Variants in DNAH10 observed in about 807,000 individuals in gnomAD.
The protein encoded by DNAH10 is dynein axonemal heavy chain 10, also known as axonemal beta dynein heavy chain 10.
In DNAH10, 348 loss-of-function variants were observed where a neutral mutation model predicts 506.6. The ratio of observed to expected loss-of-function variants is 0.69; its 90% CI spans 0.63 to 0.75. The LOEUF (loss-of-function observed/expected upper bound fraction) is 0.75, where lower values mean the gene tolerates loss of function less well. Ranked by LOEUF, DNAH10 falls within the 30% of genes least tolerant of loss-of-function variation. DNAH10 has a pLI of 0.00. For missense variants in DNAH10, 5,179 were observed against 5,787.1 expected, an observed-to-expected ratio of 0.89 and a Z score of 3.41; for synonymous variants, 2,059 against 2,198.6, an observed-to-expected ratio of 0.94 and a Z score of 1.78.
chr12:123,873,093 G>A (rs529916283), intron 45 of DNAH10, among the ~76,000 whole-genome samples: 1 of 152,302 alleles, frequency 6.6e-6, no homozygotes, highest in African/African-American at 2.4e-5. Flanking sequence ...TTTAGATACA[G>A]CCAGCATGAT....
intron 67 of DNAH10, 110 bp from the exon 68 acceptor site, chr12:123,924,940 C>T: frequency 7.0e-7 from 1 of 1,438,634 alleles, no homozygotes; most frequent in African/African-American, 1.4e-5. Context: ...TCAGTTAGTA[C>T]ACCTATGGAT....
chr12:123,801,230 A>G (rs771416063), intron 15 of DNAH10, 51 bp from the exon 16 acceptor site: 2 of 1,536,784 alleles, frequency 1.3e-6, no homozygotes, highest in South Asian at 2.6e-5. Flanking sequence ...AAAGCTTTTG[A>G]TGAGCTTAAA....
intron 64 of DNAH10, 133 bp from the exon 65 acceptor site, chr12:123,918,543 C>T: frequency 8.7e-7 from 1 of 1,152,544 alleles, no homozygotes; most frequent in African/African-American, 1.5e-5. Flanking sequence ...GGTGCCCTCG[C>T]TCCCCTGCAG....
rs1957302263 is a variant in DNAH10 at position 123,772,786 on chromosome 12, G to A, written c.397-48G>A. 4.3e-6 allele frequency: 6 copies of A among 1,393,114 alleles called. No homozygotes were observed. In the South Asian group the frequency reaches 7.7e-5, roughly 18 times the overall value. The allele number at this position is 1,393,114 out of a possible 1,614,324, so 86.3% of individuals were successfully genotyped here. A position where few individuals can be genotyped will look rare whatever the true frequency, so the allele number is the denominator to read the frequency against. On this transcript the variant is annotated intron_variant, in intron 3 of 78. Transcript: ENST00000673944. ...TACTTGAATATTAGGTTCTTTAGGTGAATGGATGTATCACAAGAATGAATG... is the reference window on the plus strand; with the variant it reads ...TACTTGAATATTAGGTTCTTTAGGTAAATGGATGTATCACAAGAATGAATG...
Position 123,892,514 on chromosome 12 carries a change from C to T in DNAH10, c.8996-719C>T, listed in dbSNP as rs149754225. On this transcript the variant is annotated intron_variant, in intron 52 of 78. Transcript: ENST00000673944. ...AATTCAACCTGAGATTTGGTGCGGA[C>T]GCAGATCCAAACCACATCCCATATT... Among the ~76,000 whole-genome samples, 639 of 152,282 alleles carry T rather than the reference C, an allele frequency of 4.2e-3. 5 individuals are homozygous for T. Among genetic ancestry groups the T allele is most frequent in the African/African-American group, 0.012 (502 of 41,576 alleles).
At chr12:123,896,924 G>A (rs556531789) in intron 54 of DNAH10, among the ~76,000 whole-genome samples, 12 of 152,208 alleles carry the variant, frequency 7.9e-5, no homozygotes, top group African/African-American at 2.9e-4. Flanking sequence ...GTAATGTTGT[G>A]AAACCAACAC....
At chr12:123,769,404 T>C (rs1957166706) in intron 2 of DNAH10, among the ~76,000 whole-genome samples, 1 of 152,086 alleles carries the variant, frequency 6.6e-6, no homozygotes, top group Non-Finnish European at 1.5e-5. Context: ...CTCAAACTCC[T>C]GACCTCAGGT....
At chr12:123,800,617 T>C (rs776798312) in intron 15 of DNAH10, among the ~76,000 whole-genome samples, 12 of 150,026 alleles carry the variant, frequency 8.0e-5, no homozygotes, top group Non-Finnish European at 1.5e-4. Context: ...ACCTGGGAGA[T>C]TGAGGCTGCA....
At chr12:123,809,660 C>CAACA (rs1308666099) in intron 19 of DNAH10, among the ~76,000 whole-genome samples, 5 of 151,974 alleles carry the variant, frequency 3.3e-5, no homozygotes, top group African/African-American at 1.2e-4. Context: ...AAAACAACAA[C>CAACA]AACAACAACA....
At chr12:123,847,268 A>G (rs1205557355) in intron 32 of DNAH10, among the ~76,000 whole-genome samples, 1 of 129,356 alleles carries the variant, frequency 7.7e-6, no homozygotes, top group African/African-American at 4.2e-5. Flanking sequence ...CTATCTATCC[A>G]TCCATCCATC....
intron 59 of DNAH10, among the ~76,000 whole-genome samples, chr12:123,911,184 A>C (rs571418316): frequency 6.4e-4 from 90 of 140,922 alleles, no homozygotes; most frequent in Middle Eastern, 3.5e-3. Context: ...AAAAAAAAAA[A>C]TGACGTAAAG....
intron 21 of DNAH10, 80 bp from the exon 22 acceptor site, chr12:123,818,870 G>A: frequency 1.1e-6 from 1 of 935,070 alleles, no homozygotes. Context: ...AAGTCCCTGG[G>A]AGGTAACTTT....
chr12:123,787,936 G>T lies in DNAH10; in HGVS notation c.1554G>T (p.Arg518=). The part of the protein sequence containing the change: ...SGREDRWEFD[R]KRLFERTDYM... ...GGGAAGATCGGTGGGAGTTTGACCG[G>T]AAGCGGCTGTTCGAGAGGACGGATT... is the stretch of plus-strand genomic sequence containing the variant. The change falls in exon 10 of 79, where the codon CGG becomes CGT. Residue 518 remains arginine, a synonymous_variant. Transcript: ENST00000673944. The surrounding 1 kb of genome is among the most constrained non-coding windows in gnomAD (Gnocchi z 4.6). 6.2e-7 allele frequency: 1 copy of T among 1,605,204 alleles called. No homozygotes were observed. Among genetic ancestry groups the T allele is most frequent in the South Asian group, 1.1e-5 (1 of 89,374 alleles).
Position 123,826,929 on chromosome 12 carries a change from A to G in DNAH10, c.4391+31A>G, listed in dbSNP as rs764966244. On this transcript the variant is annotated intron_variant, in intron 25 of 78. Coordinates refer to ENST00000673944, the MANE Select transcript of DNAH10 (RefSeq NM_001372106.1). ...TTTTGTCCTCTGTCCGCAGATGTAA[A>G]AGTGTGGGAGGAGCTTTTAGTTAAA... is the stretch of plus-strand genomic sequence containing the variant. 32 of 1,574,808 alleles carry G rather than the reference A, an allele frequency of 2.0e-5. No individual in the cohort carries two copies. In the Admixed American group the frequency reaches 2.9e-4, roughly 14 times the overall value.
At chr12:123,796,987 C>T (rs1958302434) in intron 13 of DNAH10, among the ~76,000 whole-genome samples, 155 bp downstream of exon 13, 1 of 152,044 alleles carries the variant, frequency 6.6e-6, no homozygotes. Context: ...TCTCTTGCCT[C>T]AGCCTCCCAA....
At chr12:123,865,879 G>C (rs1951784191) in intron 40 of DNAH10, 72 bp from the exon 41 acceptor site, 8 of 1,422,470 alleles carry the variant, frequency 5.6e-6, no homozygotes, top group Non-Finnish European at 5.6e-6. Context: ...CTTTCCATAA[G>C]AGAAGGTCCT....
intron 7 of DNAH10, among the ~76,000 whole-genome samples, chr12:123,783,551 A>C (rs1226116619): frequency 6.6e-6 from 1 of 152,196 alleles, no homozygotes; most frequent in East Asian, 1.9e-4. Flanking sequence ...TAAGAAAGCA[A>C]ATTCCTTGGC....
Position 123,877,837 on chromosome 12 carries a change from G to A in DNAH10, c.8301G>A (p.Lys2767=), listed in dbSNP as rs1952327903. The change falls in exon 48 of 79, where the codon AAG becomes AAA. Residue 2767 remains lysine, a synonymous_variant. Transcript: ENST00000673944. Reference sequence around the variant, plus strand: ...AAGACCTACCTCCCACTCCGTCAAAGTTCCATTACATCTTCAACCTTCGAG... The same window carrying A: ...AAGACCTACCTCCCACTCCGTCAAAATTCCATTACATCTTCAACCTTCGAG... ...IVQDLPPTPS[K]FHYIFNLRDL... The A allele has an allele frequency of 1.2e-6, 2 of 1,613,932 alleles. No individual in the cohort carries two copies. Among genetic ancestry groups the A allele is most frequent in the Non-Finnish European group, 1.7e-6 (2 of 1,179,890 alleles).
chr12:123,779,266 C>A (rs550197429), intron 5 of DNAH10, among the ~76,000 whole-genome samples: 1 of 152,100 alleles, frequency 6.6e-6, no homozygotes, highest in South Asian at 2.1e-4. Flanking sequence ...TTCTCGAACT[C>A]CTGGGCTCAA....
Sources: gnomAD v4.1 joint callset for allele counts (sites outside exome capture counted in the v4.1 genomes callset) on GRCh38, gnomAD v4.1.1 for gene constraint, Gnocchi (gnomAD v3.1) non-coding constraint, MANE v1.5 for transcripts, NCBI Gene and HGNC (gene_info 2026-07-23, HGNC 2026-07-21) for gene names.